The following HTRA3 variants were observed in gnomAD, a reference collection of about 807,000 sequenced individuals.
HTRA3 encodes the protein serine protease HTRA3.
Under a neutral mutation model 43.2 loss-of-function variants are expected in HTRA3, and 41 were observed. The observed-to-expected ratio is 0.95, with a 90% CI of 0.74 to 1.23. The LOEUF (loss-of-function observed/expected upper bound fraction) is 1.23, where lower values mean the gene tolerates loss of function less well. Ranked by LOEUF, HTRA3 falls within the 50% of genes most tolerant of loss-of-function variation. The pLI is 0.00. For missense variants in HTRA3, 628 were observed against 647.1 expected (o/e 0.97, Z 0.32); for synonymous variants, 295 against 287.9 (o/e 1.02, Z -0.25).
Position 8,286,733 on chromosome 4 carries a change from A to G in HTRA3, c.658A>G (p.Lys220Glu). The G allele has an allele frequency of 6.2e-7, 1 of 1,614,160 alleles. No homozygotes were observed. The highest frequency in any genetic ancestry group is 1.1e-5 in the South Asian group (1 of 91,082). The change falls in exon 3 of 9, where the codon AAA becomes GAA. Residue 220 changes from lysine (K) to glutamate (E), a missense_variant. Physicochemically the swap from Lys to Glu is moderately conservative, Grantham distance 56. Transcript: ENST00000307358. The surrounding 1 kb of genome is among the most constrained non-coding windows in gnomAD (Gnocchi z 4.9). ...QNGDSYEATI[K>E]DIDKKSDIAT... is the part of the protein sequence containing the mutation. Reference sequence around the variant, plus strand: ...TGGGGACTCCTATGAGGCCACCATCAAAGACATCGACAAGAAGTCGGACAT... The same window carrying G: ...TGGGGACTCCTATGAGGCCACCATCGAAGACATCGACAAGAAGTCGGACAT...
chr4:8,306,277 T>G lies in HTRA3; in HGVS notation c.*141T>G, dbSNP rs961684537. ...TGGCTGTCCGGGGCAGAGCGGAGGC[T>G]GGGCTTGGCCAGGGGCCCGAATTTC... On this transcript the variant is annotated 3_prime_UTR_variant, in exon 9 of 9. Transcript: ENST00000307358. This position sits in a 1 kb window ranked among gnomAD's most constrained non-coding sequence, Gnocchi z 8.9. 2 of 929,496 alleles carry G rather than the reference T, an allele frequency of 2.2e-6. No individual in the cohort carries two copies. The highest frequency in any genetic ancestry group is 1.7e-5 in the African/African-American group (1 of 58,558). 57.6% of individuals were successfully genotyped at this position (929,496 alleles called of 1,614,324 possible). A position where few individuals can be genotyped will look rare whatever the true frequency, so the allele number is the denominator to read the frequency against.
At chr4:8,288,891 T>G (rs1353704353) in intron 3 of HTRA3, among the ~76,000 whole-genome samples, 6 of 88,114 alleles carry the variant, frequency 6.8e-5, no homozygotes, top group Admixed American at 1.3e-4. Flanking sequence ...CCTTCCTTCC[T>G]TCCGTCCGTC....
At position 8,286,041 on chromosome 4, in the gene HTRA3, A is replaced by G. The variant is rs576469616; in HGVS notation, c.486-520A>G. Reference sequence around the variant, plus strand: ...AGCCCTGCAGGATGCTGTGTGTGCAATGGGGCTTTTCCCCTAGGGCCAATT... The same window carrying G: ...AGCCCTGCAGGATGCTGTGTGTGCAGTGGGGCTTTTCCCCTAGGGCCAATT... On this transcript the variant is annotated intron_variant, in intron 2 of 8. Transcript: ENST00000307358. This position sits in a 1 kb window ranked among gnomAD's most constrained non-coding sequence, Gnocchi z 4.9. 1.3e-5 allele frequency among the ~76,000 whole-genome samples: 2 copies of G among 152,290 alleles called. No individual in the cohort carries two copies. Among genetic ancestry groups the G allele is most frequent in the African/African-American group, 2.4e-5 (1 of 41,574 alleles).
In HTRA3 at chr4:8,270,049, GC is replaced by G; in HGVS notation, c.82del (p.Arg28AlafsTer106). 6.9e-7 allele frequency: 1 copy of G among 1,451,066 alleles called. No individual in the cohort carries two copies. Among genetic ancestry groups the G allele is most frequent in the Non-Finnish European group, 9.0e-7 (1 of 1,108,906 alleles). The allele number at this position is 1,451,066 out of a possible 1,614,324, so 89.9% of individuals were successfully genotyped here. A position where few individuals can be genotyped will look rare whatever the true frequency, so the allele number is the denominator to read the frequency against. On this transcript the variant is annotated frameshift_variant, in exon 1 of 9. Transcript: ENST00000307358. LOFTEE classifies it high-confidence loss of function. ...AGCCCCCTGCGGCGCCGTGTCCCGC[GC>G]GCTGCGACGTGTCGCGGTGTCCCAG... ...REPPAAPCPA[R>X]CDVSRCPSPR...
At position 8,294,146 on chromosome 4, in the gene HTRA3, C is replaced by A; in HGVS notation, c.996C>A (p.Ile332=). The part of the protein sequence containing the change: ...LKVTAGISFA[I]PSDRITRFLT... ...TCACGGCTGGCATCTCCTTTGCCAT[C>A]CCCTCAGACCGCATCACACGGTTCC... Residue 332 remains isoleucine, a synonymous_variant, in exon 6 of 9, where the codon ATC becomes ATA. Transcript: ENST00000307358. 1 of 1,612,708 alleles carries A rather than the reference C, an allele frequency of 6.2e-7. No individual in the cohort carries two copies. Among genetic ancestry groups the A allele is most frequent in the Non-Finnish European group, 8.5e-7 (1 of 1,179,402 alleles).
chr4:8,271,193 C>T (rs566957759), intron 1 of HTRA3, among the ~76,000 whole-genome samples: 37 of 150,686 alleles, frequency 2.5e-4, no homozygotes, highest in African/African-American at 8.9e-4. Context: ...CACCAACTGC[C>T]GGGGCTCCTG....
chr4:8,294,611 T>A (rs1445640699), intron 6 of HTRA3, among the ~76,000 whole-genome samples: 1 of 88 alleles, frequency 0.011, no homozygotes, highest in Non-Finnish European at 0.026. Context: ...CATCCATCCA[T>A]CCATCCATCC....
intron 3 of HTRA3, among the ~76,000 whole-genome samples, chr4:8,289,245 C>A (rs1713129774): frequency 6.6e-6 from 1 of 152,192 alleles, no homozygotes; most frequent in African/African-American, 2.4e-5. Context: ...CCATGGTGCC[C>A]AGCCAACAAA....
In HTRA3 at chr4:8,286,712, G is replaced by T. The variant is rs746400459; in HGVS notation, c.637G>T (p.Asp213Tyr). Residue 213 changes from aspartate (D) to tyrosine (Y), a missense_variant, in exon 3 of 9, where the codon GAC (aspartate) becomes TAC (tyrosine). Transcript: ENST00000307358. This position sits in a 1 kb window ranked among gnomAD's most constrained non-coding sequence, Gnocchi z 4.9. ...GCTCAAGGTGCAGCTACAGAATGGG[G>T]ACTCCTATGAGGCCACCATCAAAGA... ...QQLKVQLQNG[D>Y]SYEATIKDID... is the part of the protein sequence containing the mutation. 6.8e-6 allele frequency: 11 copies of T among 1,614,084 alleles called. No homozygotes were observed. In the African/African-American group the frequency reaches 1.5e-4, roughly 22 times the overall value.
At chr4:8,300,509 C>T (rs115328222) in intron 6 of HTRA3, among the ~76,000 whole-genome samples, 1,754 of 152,244 alleles carry the variant, frequency 0.012, 23 homozygotes, top group African/African-American at 0.041. Context: ...TGATTAAATT[C>T]ATTGACATCA....
chr4:8,300,737 C>T (rs1713606222), intron 6 of HTRA3, among the ~76,000 whole-genome samples: 1 of 152,072 alleles, frequency 6.6e-6, no homozygotes, highest in African/African-American at 2.4e-5. Context: ...CATTGATTTA[C>T]ACTCTTCATT....
intron 6 of HTRA3, among the ~76,000 whole-genome samples, chr4:8,298,258 G>A (rs373857595): frequency 6.6e-6 from 1 of 152,164 alleles, no homozygotes; most frequent in African/African-American, 2.4e-5. Flanking sequence ...CAGGCCTCCC[G>A]GCCAGCTCTG....
chr4:8,296,820 C>G lies in HTRA3; in HGVS notation c.1051+2619C>G, dbSNP rs1037265119. On this transcript the variant is annotated intron_variant, in intron 6 of 8. Transcript: ENST00000307358. The surrounding 1 kb of genome is among the most constrained non-coding windows in gnomAD (Gnocchi z 5.3). The stretch of plus-strand genomic sequence containing the variant: ...AACCCCTCGTTTATCCTGTGGCCCA[C>G]AAGCCAAGGGAGAGCTGTAGGGAGG... Among the ~76,000 whole-genome samples, 2 of 152,176 alleles carry G rather than the reference C, an allele frequency of 1.3e-5. No individual in the cohort carries two copies. Among genetic ancestry groups the G allele is most frequent in the African/African-American group, 4.8e-5 (2 of 41,446 alleles).
rs189618708 is a variant in HTRA3, at chr4:8,275,712, A to G, written c.385+5359A>G. Reference sequence around the variant, plus strand: ...GGGAGGGAGGCCACCAGGTTTCACAAGGGTGAACGGTGTGACACTGGGCAC... The same window carrying G: ...GGGAGGGAGGCCACCAGGTTTCACAGGGGTGAACGGTGTGACACTGGGCAC... On this transcript the variant is annotated intron_variant, in intron 1 of 8. Transcript: ENST00000307358. Among the ~76,000 whole-genome samples the G allele has an allele frequency of 1.7e-3, 258 of 152,332 alleles. 1 individual carries two copies. Among genetic ancestry groups the G allele is most frequent in the African/African-American group, 5.8e-3 (243 of 41,570 alleles).
At chr4:8,271,193 C>G (rs566957759) in intron 1 of HTRA3, among the ~76,000 whole-genome samples, 1 of 150,572 alleles carries the variant, frequency 6.6e-6, no homozygotes, top group East Asian at 1.9e-4. Context: ...CACCAACTGC[C>G]GGGGCTCCTG....
chr4:8,304,643 G>GTTTTTTGTGTTTTTTTTTTTTTT lies in HTRA3; in HGVS notation c.1196+370_1196+371insGTGTTTTTTTTTTTTTTTTTTTT, dbSNP rs1560144611. Among the ~76,000 whole-genome samples, 7 of 62,736 alleles carry GTTTTTTGTGTTTTTTTTTTTTTT rather than the reference G, an allele frequency of 1.1e-4. 2 individuals are homozygous for GTTTTTTGTGTTTTTTTTTTTTTT. Among genetic ancestry groups the GTTTTTTGTGTTTTTTTTTTTTTT allele is most frequent in the Non-Finnish European group, 1.4e-4 (5 of 35,628 alleles). The allele number at this position is 62,736 out of a possible 152,430, so 41.2% of individuals were successfully genotyped here. On this transcript the variant is annotated intron_variant, in intron 8 of 8. Coordinates refer to ENST00000307358, the MANE Select transcript of HTRA3 (RefSeq NM_053044.5). Reference sequence around the variant, plus strand: ...TAAAGTGGAGATAATTCAGCCTATTGTTTTTTTTTTTTTTTTTTTTTTTTT... The same window carrying GTTTTTTGTGTTTTTTTTTTTTTT: ...TAAAGTGGAGATAATTCAGCCTATTGTTTTTTGTGTTTTTTTTTTTTTTTTTTTTTTTTTTTTTTTTTTTTTTT...
chr4:8,285,345 C>A (rs1712913380), intron 2 of HTRA3, among the ~76,000 whole-genome samples: 1 of 152,220 alleles, frequency 6.6e-6, no homozygotes, highest in Non-Finnish European at 1.5e-5. Context: ...TCAGAGGGAG[C>A]ACAGGGTGGC....
rs563477351 is a variant in HTRA3 at position 8,306,535 on chromosome 4, C to G, written c.*399C>G. Reference sequence around the variant, plus strand: ...GTCTGGGCTGCCAAGCTTCTTCCCCCCTGACAAACGCCCACCTGACCTGAG... The same window carrying G: ...GTCTGGGCTGCCAAGCTTCTTCCCCGCTGACAAACGCCCACCTGACCTGAG... On this transcript the variant is annotated 3_prime_UTR_variant, in exon 9 of 9. Transcript: ENST00000307358. The surrounding 1 kb of genome is among the most constrained non-coding windows in gnomAD (Gnocchi z 8.9). 14 of 173,884 alleles carry G rather than the reference C, an allele frequency of 8.1e-5. No individual in the cohort carries two copies. The highest frequency in any genetic ancestry group is 8.7e-5 in the Non-Finnish European group (7 of 80,246). 10.8% of individuals were successfully genotyped at this position (173,884 alleles called of 1,614,324 possible).
At chr4:8,302,108 G>C (rs573410314) in intron 6 of HTRA3, among the ~76,000 whole-genome samples, 62 of 152,180 alleles carry the variant, frequency 4.1e-4, no homozygotes, top group Non-Finnish European at 8.2e-4. Context: ...GGGAACATTT[G>C]GGGAAGCAGC....
Sources: gnomAD v4.1 joint callset for allele counts (sites outside exome capture counted in the v4.1 genomes callset) on GRCh38, gnomAD v4.1.1 for gene constraint, Gnocchi (gnomAD v3.1) non-coding constraint, MANE v1.5 for transcripts, NCBI Gene and HGNC (gene_info 2026-07-23, HGNC 2026-07-21) for gene names.